The following TLN2 variants were observed in gnomAD, a reference collection of about 807,000 sequenced individuals.
The protein encoded by TLN2 is talin-2.
A neutral mutation model predicts 294.7 loss-of-function variants in TLN2; 118 were observed. The observed-to-expected ratio is 0.40, with a 90% CI of 0.34 to 0.47. The LOEUF is 0.47. Among genes scored for constraint, TLN2 ranks in the 20% least tolerant of loss-of-function variants. TLN2 has a pLI of 0.84. For missense variants in TLN2, 3,083 were observed against 3,282.2 expected, an observed-to-expected ratio of 0.94 and a Z score of 1.48; for synonymous variants, 1,431 against 1,304.5, an observed-to-expected ratio of 1.10 and a Z score of -2.09.
intron 2 of TLN2, among the ~76,000 whole-genome samples, chr15:62,607,335 G>A (rs951531245): frequency 1.3e-5 from 2 of 152,032 alleles, no homozygotes; most frequent in African/African-American, 4.8e-5. Flanking sequence ...TAGCCCACCC[G>A]CACCACCTCC....
intron 1 of TLN2, among the ~76,000 whole-genome samples, chr15:62,441,137 C>T (rs1168968588): frequency 1.3e-5 from 2 of 152,094 alleles, no homozygotes; most frequent in Non-Finnish European, 2.9e-5. Flanking sequence ...AACGTGGTTC[C>T]AGTACAAGCA....
chr15:62,719,620 T>G, intron 24 of TLN2, 147 bp from the exon 25 acceptor site: 1 of 530,946 alleles, frequency 1.9e-6, no homozygotes, highest in Non-Finnish European at 3.2e-6. Context: ...CCAGCTGGCT[T>G]AATGTGCAGT....
chr15:62,698,695 A>G, intron 15 of TLN2, 59 bp from the exon 16 acceptor site: 1 of 1,428,824 alleles, frequency 7.0e-7, no homozygotes, highest in Admixed American at 1.7e-5. Context: ...GTTTTGCATA[A>G]AGGGCCATGT....
At chr15:62,836,652 G>A in intron 57 of TLN2, among the ~76,000 whole-genome samples, 1 of 143,190 alleles carries the variant, frequency 7.0e-6, no homozygotes, top group Non-Finnish European at 1.5e-5. Flanking sequence ...TGTTAGGAAG[G>A]TAACAATCAA....
At position 62,835,919 on chromosome 15, in the gene TLN2, G is replaced by C. The variant is rs1371370481; in HGVS notation, c.7220G>C (p.Ser2407Thr). ...CGGATGGTGGCGGCTGCGACCAGCA[G>C]TCTCTGTGAGGCGGCCAATGCCTCC... The part of the protein sequence containing the change: ...AARMVAAATS[S>T]LCEAANASVQ... Residue 2407 changes from serine to threonine, a missense_variant, in exon 57 of 59, where the codon AGT becomes ACT. By Grantham distance (58) the Ser-to-Thr change is moderately conservative. Transcript: ENST00000636159. The C allele has an allele frequency of 6.2e-7, 1 of 1,614,224 alleles. No individual in the cohort carries two copies. Among genetic ancestry groups the C allele is most frequent in the Admixed American group, 1.7e-5 (1 of 60,034 alleles).
intron 51 of TLN2, among the ~76,000 whole-genome samples, chr15:62,808,085 C>CT (rs139169446): frequency 0.02 from 3,037 of 152,270 alleles, 58 homozygotes; most frequent in Admixed American, 0.033. Flanking sequence ...GGTTACCCTA[C>CT]TCAGCCCACA....
intron 1 of TLN2, among the ~76,000 whole-genome samples, chr15:62,496,765 G>A (rs2039037916): frequency 6.6e-6 from 1 of 152,290 alleles, no homozygotes; most frequent in South Asian, 2.1e-4. Flanking sequence ...ATTATAATGT[G>A]AATCGTCTCT....
intron 1 of TLN2, among the ~76,000 whole-genome samples, chr15:62,548,540 A>G (rs1191117761): frequency 6.6e-6 from 1 of 152,306 alleles, no homozygotes; most frequent in South Asian, 2.1e-4. Context: ...GAAGGCAGCT[A>G]GTAGTAGCCA....
intron 39 of TLN2, chr15:62,763,289 T>C (rs2062793398): frequency 3.7e-6 from 1 of 270,606 alleles, no homozygotes; most frequent in East Asian, 6.4e-5. Flanking sequence ...CAAGTCCAAA[T>C]TGCTTCCTTT....
chr15:62,817,730 C>T lies in TLN2; in HGVS notation c.6772-1786C>T, dbSNP rs543242614. Among the ~76,000 whole-genome samples, 4 of 151,786 alleles carry T rather than the reference C, an allele frequency of 2.6e-5. 1 individual carries two copies. The South Asian group carries it at 8.3e-4, about 32-fold the overall frequency. ...GGGCAGGGGAAAGGAGTGTGGGGCACCAAGAAGGGAATTCACATTTAATGA... is the reference window on the plus strand; with the variant it reads ...GGGCAGGGGAAAGGAGTGTGGGGCATCAAGAAGGGAATTCACATTTAATGA... On this transcript the variant is annotated intron_variant, in intron 52 of 58. Transcript: ENST00000636159.
intron 1 of TLN2, among the ~76,000 whole-genome samples, chr15:62,506,007 A>G (rs949633360): frequency 6.6e-6 from 1 of 152,190 alleles, no homozygotes; most frequent in African/African-American, 2.4e-5. Flanking sequence ...TCAAGAGAGC[A>G]TTTACTTTTT....
chr15:62,772,081 CCAT>C (rs201022669), intron 42 of TLN2, among the ~76,000 whole-genome samples: 1,596 of 152,240 alleles, frequency 0.01, 26 homozygotes, highest in African/African-American at 0.036. Context: ...GCACATGCCA[CCAT>C]ATCTGGCTAG....
At chr15:62,674,856 T>G (rs745456133) in intron 10 of TLN2, among the ~76,000 whole-genome samples, 5 of 152,218 alleles carry the variant, frequency 3.3e-5, no homozygotes, top group Non-Finnish European at 7.3e-5. Flanking sequence ...AACTTTTTCT[T>G]GGTATCATTT....
intron 1 of TLN2, among the ~76,000 whole-genome samples, chr15:62,455,751 T>G (rs2140329502): frequency 6.6e-6 from 1 of 152,336 alleles, no homozygotes; most frequent in East Asian, 1.9e-4. Context: ...CCTCTGGGAC[T>G]CCATATGCCT....
intron 41 of TLN2, among the ~76,000 whole-genome samples, chr15:62,766,940 C>T (rs970004911): frequency 3.3e-5 from 5 of 152,218 alleles, no homozygotes; most frequent in Non-Finnish European, 7.3e-5. Context: ...GCTGGGGATT[C>T]ATACCCACAT....
At chr15:62,511,905 C>T (rs935425370) in intron 1 of TLN2, among the ~76,000 whole-genome samples, 2 of 152,080 alleles carry the variant, frequency 1.3e-5, no homozygotes. Flanking sequence ...TCTGAGAAGA[C>T]ACTCTCAAAA....
chr15:62,551,279 G>C (rs2042284799), intron 1 of TLN2, among the ~76,000 whole-genome samples: 1 of 152,192 alleles, frequency 6.6e-6, no homozygotes, highest in African/African-American at 2.4e-5. Context: ...ACAGGGCACA[G>C]ACTGGTACCA....
intron 1 of TLN2, among the ~76,000 whole-genome samples, chr15:62,427,150 A>C (rs2034760627): frequency 6.6e-6 from 1 of 152,014 alleles, no homozygotes; most frequent in South Asian, 2.1e-4. Context: ...ATGGGCAGGG[A>C]GGGTGTGCAT....
At chr15:62,777,648 AC>A (rs1456173550) in intron 43 of TLN2, among the ~76,000 whole-genome samples, 1 of 152,196 alleles carries the variant, frequency 6.6e-6, no homozygotes, top group Non-Finnish European at 1.5e-5. Flanking sequence ...CAATTGGGTT[AC>A]ATTTTAACAC....
Sources: allele counts gnomAD v4.1 joint callset (sites outside exome capture counted in the v4.1 genomes callset), GRCh38; gene constraint gnomAD v4.1.1; transcripts MANE v1.5; gene names NCBI Gene and HGNC (gene_info 2026-07-23, HGNC 2026-07-21).